Variants in PCDH11X observed in about 807,000 individuals in gnomAD.
PCDH11X encodes the protein protocadherin-11 X-linked.
In PCDH11X, 18 loss-of-function variants were observed where a neutral mutation model predicts 53.3. The ratio of observed to expected loss-of-function variants is 0.34; its 90% CI spans 0.23 to 0.50. The LOEUF is 0.50. Ranked by LOEUF, PCDH11X falls within the 20% of genes least tolerant of loss-of-function variation. The pLI, the probability that PCDH11X is intolerant of heterozygous loss-of-function variation, is 0.98. For missense variants in PCDH11X, 570 were observed against 1,032.4 expected (o/e 0.55, Z 6.14); for synonymous variants, 279 against 393.3 (o/e 0.71, Z 3.44).
chrX:92,281,207 C>T (rs1483678996), intron 8 of PCDH11X, among the ~76,000 whole-genome samples: 4 of 111,778 alleles, frequency 3.6e-5, no homozygotes, highest in Non-Finnish European at 7.5e-5. Flanking sequence ...AACCAAAGGT[C>T]ATATTGAATC....
chrX:92,592,781 T>G (rs190288884), intron 10 of PCDH11X, among the ~76,000 whole-genome samples: 1 of 112,093 alleles, frequency 8.9e-6, no homozygotes, highest in Non-Finnish European at 1.9e-5. Flanking sequence ...TGGCTATTTA[T>G]CCTGGCTAAA....
intron 10 of PCDH11X, among the ~76,000 whole-genome samples, chrX:92,493,548 C>A (rs550155125): frequency 3.3e-4 from 35 of 107,463 alleles, no homozygotes; most frequent in South Asian, 8.3e-4. Context: ...TTTTTAGGAA[C>A]AAAGTTATGA....
chrX:91,823,194 T>G (rs1166739815), intron 4 of PCDH11X, among the ~76,000 whole-genome samples: 1 of 110,832 alleles, frequency 9.0e-6, no homozygotes, highest in African/African-American at 3.3e-5. Flanking sequence ...TTAGGTCCGC[T>G]TGGTGCAGAG....
chrX:92,353,235 A>G (rs2070102536), intron 8 of PCDH11X, among the ~76,000 whole-genome samples: 1 of 111,957 alleles, frequency 8.9e-6, no homozygotes, highest in Admixed American at 9.5e-5. Flanking sequence ...TTCCTCTAGG[A>G]TTTTTATTTC....
intron 6 of PCDH11X, among the ~76,000 whole-genome samples, chrX:91,942,209 C>G (rs2061519997): frequency 9.1e-6 from 1 of 109,439 alleles, no homozygotes; most frequent in South Asian, 3.9e-4. Context: ...CAATAGCGCT[C>G]AAAGCCAAAA....
At chrX:92,379,550 C>T (rs1455266909) in intron 8 of PCDH11X, among the ~76,000 whole-genome samples, 1 of 112,296 alleles carries the variant, frequency 8.9e-6, no homozygotes, top group Non-Finnish European at 1.9e-5. Context: ...TGATTGATAG[C>T]GTCAGGAGGC....
intron 10 of PCDH11X, among the ~76,000 whole-genome samples, chrX:92,526,685 A>G (rs972842341): frequency 2.8e-5 from 3 of 107,002 alleles, no homozygotes; most frequent in African/African-American, 1.0e-4. Flanking sequence ...GTTGGTGGAA[A>G]TGTAAATTAG....
chrX:91,933,142 A>G (rs913602402), intron 6 of PCDH11X, among the ~76,000 whole-genome samples: 26 of 108,886 alleles, frequency 2.4e-4, no homozygotes, highest in Non-Finnish European at 2.7e-4. Flanking sequence ...AGGTGGGTCT[A>G]TTTTGAAAAT....
chrX:91,801,179 C>CA (rs72093084), intron 1 of PCDH11X, among the ~76,000 whole-genome samples: 1,075 of 31,794 alleles, frequency 0.034, 56 homozygotes, highest in Admixed American at 0.057. Context: ...GACCCTGCCT[C>CA]AAAAAAAAAA....
intron 6 of PCDH11X, among the ~76,000 whole-genome samples, chrX:91,977,044 T>C (rs2062055938): frequency 9.1e-6 from 1 of 110,367 alleles, no homozygotes; most frequent in East Asian, 2.9e-4. Context: ...GTATCTGTAC[T>C]TCCTCATTTA....
At chrX:92,149,290 A>G (rs991704901) in intron 6 of PCDH11X, among the ~76,000 whole-genome samples, 7 of 109,499 alleles carry the variant, frequency 6.4e-5, no homozygotes, top group African/African-American at 2.3e-4. Context: ...TAGAGAATAA[A>G]TGTGCATATT....
chrX:92,339,696 A>G (rs1289803443), intron 8 of PCDH11X, among the ~76,000 whole-genome samples: 1 of 108,374 alleles, frequency 9.2e-6, no homozygotes. Context: ...ATGGTGCTAA[A>G]TCATTTATGA....
At chrX:92,306,500 G>GA (rs780150608) in intron 8 of PCDH11X, among the ~76,000 whole-genome samples, 2 of 106,397 alleles carry the variant, frequency 1.9e-5, no homozygotes, top group South Asian at 4.0e-4. Flanking sequence ...AATTTATGAA[G>GA]AAAAAAAAGA....
intron 8 of PCDH11X, among the ~76,000 whole-genome samples, chrX:92,333,001 A>C (rs1398246646): frequency 8.9e-6 from 1 of 111,805 alleles, no homozygotes; most frequent in Non-Finnish European, 1.9e-5. Flanking sequence ...TGTCATATTA[A>C]ATCCCAGGTT....
chrX:91,889,603 G>A (rs890298855), intron 6 of PCDH11X, among the ~76,000 whole-genome samples: 36 of 112,210 alleles, frequency 3.2e-4, no homozygotes, highest in Non-Finnish European at 5.1e-4. Context: ...GTGAGCCAGC[G>A]CACCTGGCCA....
At chrX:91,806,768 A>T (rs1181773808) in intron 1 of PCDH11X, among the ~76,000 whole-genome samples, 1 of 112,088 alleles carries the variant, frequency 8.9e-6, no homozygotes, top group Admixed American at 9.5e-5. Context: ...GACAGGGGCT[A>T]GTGTCGATAT....
chrX:92,471,573 T>A (rs951383956), intron 10 of PCDH11X, among the ~76,000 whole-genome samples: 6 of 111,656 alleles, frequency 5.4e-5, no homozygotes, highest in Non-Finnish European at 1.1e-4. Context: ...AGTGAACATA[T>A]GCATGCGTGT....
At chrX:92,207,903 A>G (rs2066504356) in intron 7 of PCDH11X, among the ~76,000 whole-genome samples, 1 of 111,662 alleles carries the variant, frequency 9.0e-6, no homozygotes, top group Admixed American at 9.5e-5. Context: ...GTGGTCATAA[A>G]ACTTATTTCT....
chrX:92,123,591 C>G (rs1418148785), intron 6 of PCDH11X, among the ~76,000 whole-genome samples: 10 of 105,661 alleles, frequency 9.5e-5, no homozygotes, highest in Non-Finnish European at 1.7e-4. Context: ...TTCTTCTACT[C>G]CAACCTAGAT....
Sources: allele counts gnomAD v4.1 joint callset (sites outside exome capture counted in the v4.1 genomes callset), GRCh38; gene constraint gnomAD v4.1.1; transcripts MANE v1.5; gene names NCBI Gene and HGNC (gene_info 2026-07-23, HGNC 2026-07-21).